Variants in CDK14 observed in about 807,000 individuals in gnomAD.
CDK14 encodes the protein cyclin dependent kinase 14.
A neutral mutation model predicts 60.7 loss-of-function variants in CDK14; 34 were observed. That is an observed-to-expected ratio of 0.56 (90% CI 0.43 to 0.75). The LOEUF is 0.75. Ranked by LOEUF, CDK14 falls within the 30% of genes least tolerant of loss-of-function variation. The pLI is 0.00. For missense variants in CDK14, 482 were observed against 564.1 expected, an observed-to-expected ratio of 0.85 and a Z score of 1.47; for synonymous variants, 197 against 203.7, an observed-to-expected ratio of 0.97 and a Z score of 0.28.
intron 11 of CDK14, among the ~76,000 whole-genome samples, chr7:91,063,071 A>G (rs893582683): frequency 6.6e-6 from 1 of 152,124 alleles, no homozygotes. Context: ...AGTATCATCC[A>G]CTCATGAAAG....
At chr7:90,802,920 T>C (rs1788695687) in intron 5 of CDK14, among the ~76,000 whole-genome samples, 1 of 152,208 alleles carries the variant, frequency 6.6e-6, no homozygotes, top group Admixed American at 6.5e-5. Context: ...TTCTATATTG[T>C]CACTTTCATT....
At chr7:91,146,468 T>C (rs1213808190) in intron 14 of CDK14, among the ~76,000 whole-genome samples, 1 of 152,158 alleles carries the variant, frequency 6.6e-6, no homozygotes, top group African/African-American at 2.4e-5. Flanking sequence ...CCCACAGTGC[T>C]AGGTTCACAG....
chr7:90,986,763 C>T (rs1465626409), intron 10 of CDK14, among the ~76,000 whole-genome samples: 1 of 151,756 alleles, frequency 6.6e-6, no homozygotes, highest in Non-Finnish European at 1.5e-5. Flanking sequence ...TTACATAAAG[C>T]TCATGTATAA....
intron 2 of CDK14, among the ~76,000 whole-genome samples, chr7:90,701,045 A>G (rs946116031): frequency 6.6e-6 from 1 of 152,184 alleles, no homozygotes; most frequent in Admixed American, 6.5e-5. Flanking sequence ...ACAAATCCCT[A>G]GTGTACTTCT....
chr7:91,101,814 A>G (rs1228254885), intron 12 of CDK14, among the ~76,000 whole-genome samples: 1 of 151,870 alleles, frequency 6.6e-6, no homozygotes, highest in Non-Finnish European at 1.5e-5. Flanking sequence ...CCAATTTCTG[A>G]CCCCTCCTTG....
chr7:90,825,083 G>A (rs1461510438), intron 5 of CDK14, among the ~76,000 whole-genome samples: 1 of 152,100 alleles, frequency 6.6e-6, no homozygotes, highest in African/African-American at 2.4e-5. Context: ...CAGGATTCAT[G>A]GACAAATTAA....
chr7:90,702,588 ACATTT>A, intron 2 of CDK14, among the ~76,000 whole-genome samples: 1 of 143,906 alleles, frequency 6.9e-6, no homozygotes, highest in South Asian at 2.1e-4. Context: ...ATAGGGATAC[ACATTT>A]TAATTTCAGT....
chr7:90,850,999 A>G (rs1440451809), intron 5 of CDK14, among the ~76,000 whole-genome samples: 2 of 152,134 alleles, frequency 1.3e-5, no homozygotes, highest in African/African-American at 2.4e-5. Context: ...CTGCCTTCCA[A>G]CACCTGGAAG....
chr7:91,144,375 C>T (rs1309358285), intron 14 of CDK14, among the ~76,000 whole-genome samples: 2 of 152,136 alleles, frequency 1.3e-5, no homozygotes, highest in Admixed American at 6.6e-5. Flanking sequence ...TTTGCAATTT[C>T]TACATAAGCA....
chr7:90,980,995 A>G (rs1201562076), intron 9 of CDK14, among the ~76,000 whole-genome samples: 1 of 152,206 alleles, frequency 6.6e-6, no homozygotes, highest in Non-Finnish European at 1.5e-5. Context: ...GGGGGTGGCT[A>G]TGGCTTCTGC....
intron 10 of CDK14, among the ~76,000 whole-genome samples, chr7:91,041,551 A>G (rs34977322): frequency 0.22 from 33,329 of 152,184 alleles, 4,149 homozygotes; most frequent in African/African-American, 0.32. Context: ...ATTTTACATC[A>G]TGACTCACTA....
intron 2 of CDK14, among the ~76,000 whole-genome samples, chr7:90,703,235 G>C (rs966923014): frequency 1.8e-4 from 27 of 152,172 alleles, no homozygotes; most frequent in African/African-American, 5.8e-4. Context: ...CTGCCATTGA[G>C]GTCTTATAAT....
At chr7:90,656,667 C>T (rs564043093) in intron 2 of CDK14, among the ~76,000 whole-genome samples, 69 of 152,254 alleles carry the variant, frequency 4.5e-4, no homozygotes, top group African/African-American at 1.0e-3. Context: ...CGTGAGCCAC[C>T]GCGCCCCGCC....
intron 9 of CDK14, among the ~76,000 whole-genome samples, chr7:90,983,681 A>G (rs529715686): frequency 4.7e-5 from 5 of 107,426 alleles, no homozygotes; most frequent in African/African-American, 1.5e-4. Context: ...CTCCATCTCA[A>G]AAAAAAAAAA....
rs76904200 is a variant in CDK14, at chr7:90,791,317, T to C, written c.544+665T>C. ...GAGAATAAAATATCTTTTTTTTTAA[T>C]CAGTGGGAACTTTTCAGTTCAGTTT... On this transcript the variant is annotated intron_variant, in intron 5 of 14. Transcript: ENST00000380050. Among the ~76,000 whole-genome samples the C allele has an allele frequency of 9.9e-3, 1,514 of 152,284 alleles. 23 individuals carry two copies. The highest frequency in any genetic ancestry group is 0.033 in the African/African-American group (1,390 of 41,556).
chr7:90,692,226 G>T (rs1801567819), intron 2 of CDK14, among the ~76,000 whole-genome samples: 1 of 152,086 alleles, frequency 6.6e-6, no homozygotes, highest in African/African-American at 2.4e-5. Context: ...TTCTTTTTCT[G>T]TAAGACAAGA....
chr7:90,905,788 C>T (rs1316153065), intron 7 of CDK14, among the ~76,000 whole-genome samples: 1 of 152,148 alleles, frequency 6.6e-6, no homozygotes, highest in Non-Finnish European at 1.5e-5. Context: ...CACATAGGTT[C>T]ATCATCATTT....
At chr7:90,687,608 G>T (rs1361303203) in intron 2 of CDK14, among the ~76,000 whole-genome samples, 1 of 152,078 alleles carries the variant, frequency 6.6e-6, no homozygotes, top group Non-Finnish European at 1.5e-5. Flanking sequence ...ATGAGATGGG[G>T]AAATGGGGAA....
intron 14 of CDK14, among the ~76,000 whole-genome samples, chr7:91,188,191 TAAAA>T (rs752028566): frequency 6.6e-6 from 1 of 152,040 alleles, no homozygotes; most frequent in African/African-American, 2.4e-5. Flanking sequence ...CATTTTTTTT[TAAAA>T]AAAAAGAACT....
Sources: allele counts gnomAD v4.1 joint callset (sites outside exome capture counted in the v4.1 genomes callset), GRCh38; gene constraint gnomAD v4.1.1; transcripts MANE v1.5; gene names NCBI Gene and HGNC (gene_info 2026-07-23, HGNC 2026-07-21).